MIS18A: variants seen among roughly 807,000 people sequenced by gnomAD.
The protein encoded by MIS18A is MIS18 kinetochore protein A, also known as protein Mis18-alpha.
In MIS18A, 14 loss-of-function variants were observed where a neutral mutation model predicts 25.0. The observed-to-expected ratio is 0.56, with a 90% CI of 0.37 to 0.88. The LOEUF is 0.88. Ranked by LOEUF, MIS18A falls within the 40% of genes least tolerant of loss-of-function variation. The pLI, the probability that MIS18A is intolerant of heterozygous loss-of-function variation, is 0.00. For synonymous variants in MIS18A, 134 were observed against 118.6 expected (o/e 1.13, Z -0.84); for missense variants, 292 against 290.8 (o/e 1.00, Z -0.03).
chr21:32,171,776 T>C, the MIS18A span, among the ~76,000 whole-genome samples: 26 of 152,086 alleles, frequency 1.7e-4, no homozygotes, highest in African/African-American at 4.8e-5. Context: ...AACATTGTTA[T>C]ACGGCACATG....
chr21:32,272,864 G>A (rs768336772), intron 2 of MIS18A, among the ~76,000 whole-genome samples: 2 of 152,200 alleles, frequency 1.3e-5, no homozygotes, highest in Non-Finnish European at 2.9e-5. Flanking sequence ...AGAAAGTGGA[G>A]AAGAAAGAGC....
chr21:32,258,095 A>ACTGC, the MIS18A span, among the ~76,000 whole-genome samples: 3 of 152,190 alleles, frequency 2.0e-5, no homozygotes, highest in Non-Finnish European at 2.9e-5. Context: ...ATTCCGGAAG[A>ACTGC]CTGCCACCTC....
chr21:32,184,605 C>T, the MIS18A span, among the ~76,000 whole-genome samples: 4 of 152,182 alleles, frequency 2.6e-5, no homozygotes, highest in East Asian at 1.9e-4. Context: ...CCACCTCCTT[C>T]GGCTTCCTGC....
the MIS18A span, among the ~76,000 whole-genome samples, chr21:32,239,618 G>A: frequency 2.0e-5 from 3 of 152,154 alleles, no homozygotes; most frequent in African/African-American, 4.8e-5. Context: ...TGTGCGAGCC[G>A]CCTCGGAAGA....
chr21:32,263,462 G>A (rs533358640), downstream of MIS18A, among the ~76,000 whole-genome samples: 4 of 152,266 alleles, frequency 2.6e-5, no homozygotes, highest in African/African-American at 9.6e-5. Context: ...TTAGCCAGGC[G>A]TGGTGGCACG....
chr21:32,223,876 T>G, the MIS18A span, among the ~76,000 whole-genome samples: 1 of 152,098 alleles, frequency 6.6e-6, no homozygotes, highest in Non-Finnish European at 1.5e-5. Flanking sequence ...GCAAAAATCC[T>G]CAACAAAATA....
rs755723651 is a variant in MIS18A at position 32,274,883 on chromosome 21, A to G, written c.348T>C (p.Asn116=). The change falls in exon 2 of 5, where the codon AAT becomes AAC. Residue 116 remains asparagine, a synonymous_variant. Transcript: ENST00000290130. ...NCILLRCVSC[N]VSVDKEQKLS... ...GCTTCTGTTCCTTATCCACAGAAAC[A>G]TTACAGGAAACACCTAGAAACAGAG... 1.2e-6 allele frequency: 2 copies of G among 1,612,576 alleles called. No homozygotes were observed.
the MIS18A span, among the ~76,000 whole-genome samples, chr21:32,208,370 G>A: frequency 6.6e-6 from 1 of 152,104 alleles, no homozygotes; most frequent in Non-Finnish European, 1.5e-5. Flanking sequence ...GACAATGAGT[G>A]AGTTCTCATG....
chr21:32,258,132 G>A, the MIS18A span, among the ~76,000 whole-genome samples: 2 of 152,132 alleles, frequency 1.3e-5, no homozygotes, highest in African/African-American at 4.8e-5. Context: ...AACTGAGCTG[G>A]CAAACACAGC....
the MIS18A span, among the ~76,000 whole-genome samples, chr21:32,192,893 AAACAG>A: frequency 6.6e-6 from 1 of 152,178 alleles, no homozygotes; most frequent in Non-Finnish European, 1.5e-5. Context: ...AGATGTCACT[AAACAG>A]ATAACTGCAT....
chr21:32,161,552 C>T, the MIS18A span, among the ~76,000 whole-genome samples: 11 of 151,836 alleles, frequency 7.2e-5, no homozygotes, highest in Middle Eastern at 6.8e-3. Context: ...AGTGCAGTGG[C>T]GTGATCTCAG....
At chr21:32,277,221 A>G (rs556214208) in intron 1 of MIS18A, among the ~76,000 whole-genome samples, 5 of 152,336 alleles carry the variant, frequency 3.3e-5, no homozygotes, top group African/African-American at 1.2e-4. Context: ...ACTATTTTAG[A>G]ACTATGTTTT....
chr21:32,223,953 G>A, the MIS18A span, among the ~76,000 whole-genome samples: 5 of 152,108 alleles, frequency 3.3e-5, no homozygotes, highest in Admixed American at 6.5e-5. Context: ...TTCATCCCTC[G>A]GATGCAAGGC....
chr21:32,163,551 C>T, the MIS18A span, among the ~76,000 whole-genome samples: 2 of 152,188 alleles, frequency 1.3e-5, no homozygotes, highest in Non-Finnish European at 2.9e-5. Context: ...AATGACTGCT[C>T]TGCCTGCCCT....
the MIS18A span, among the ~76,000 whole-genome samples, chr21:32,230,211 T>A: frequency 1.3e-5 from 2 of 152,206 alleles, no homozygotes; most frequent in African/African-American, 4.8e-5. Flanking sequence ...TATATTACAG[T>A]GTAACTGGTT....
At chr21:32,196,999 C>T in the MIS18A span, among the ~76,000 whole-genome samples, 1 of 151,538 alleles carries the variant, frequency 6.6e-6, no homozygotes, top group Non-Finnish European at 1.5e-5. Flanking sequence ...AATGTACAAG[C>T]CTGTCATTAA....
At chr21:32,254,228 C>T in the MIS18A span, among the ~76,000 whole-genome samples, 1 of 143,828 alleles carries the variant, frequency 7.0e-6, no homozygotes, top group South Asian at 2.2e-4. Context: ...GAGACTCCAA[C>T]CCCCGACCCC....
rs558290913 is a variant in MIS18A, at chr21:32,276,034, CA to C, written c.335-1139del. Among the ~76,000 whole-genome samples the C allele has an allele frequency of 3.0e-4, 46 of 152,318 alleles. No homozygotes were observed. In the South Asian group the frequency reaches 9.1e-3, roughly 30 times the overall value. ...GATTACTACTCTTTAGAACAGACTA[CA>C]ACGCCTTGCAGTTTCTGATCTCTTC... On this transcript the variant is annotated intron_variant, in intron 1 of 4. Coordinates refer to ENST00000290130, the MANE Select transcript of MIS18A (RefSeq NM_018944.3).
chr21:32,192,851 G>A, the MIS18A span, among the ~76,000 whole-genome samples: 3 of 152,154 alleles, frequency 2.0e-5, no homozygotes, highest in Middle Eastern at 3.2e-3. Flanking sequence ...AAGCTCTGGC[G>A]GTCTTTGTGA....
Sources: gnomAD v4.1 joint callset for allele counts (sites outside exome capture counted in the v4.1 genomes callset) on GRCh38, gnomAD v4.1.1 for gene constraint, MANE v1.5 for transcripts, NCBI Gene and HGNC (gene_info 2026-07-23, HGNC 2026-07-21) for gene names.